The following KIF21A variants were observed in gnomAD, a reference collection of about 807,000 sequenced individuals.
KIF21A encodes kinesin-like protein KIF21A.
Under a neutral mutation model 202.9 loss-of-function variants are expected in KIF21A, and 114 were observed. The ratio of observed to expected loss-of-function variants is 0.56; its 90% CI spans 0.48 to 0.66. The LOEUF (loss-of-function observed/expected upper bound fraction) is 0.66, where lower values mean the gene tolerates loss of function less well. KIF21A is among the 30% of genes least tolerant of loss of function. The pLI is 0.00. For synonymous variants in KIF21A, 667 were observed against 670.8 expected, an observed-to-expected ratio of 0.99 and a Z score of 0.09; for missense variants, 1,677 against 1,994.9, an observed-to-expected ratio of 0.84 and a Z score of 3.04.
intron 1 of KIF21A, among the ~76,000 whole-genome samples, chr12:39,418,310 G>C (rs1191816784): frequency 1.3e-5 from 2 of 152,050 alleles, no homozygotes; most frequent in African/African-American, 2.4e-5. Context: ...TTTGAGACCT[G>C]CCCAGTTAGT....
chr12:39,339,324 AC>A (rs1411458427), intron 16 of KIF21A, among the ~76,000 whole-genome samples: 1 of 152,024 alleles, frequency 6.6e-6, no homozygotes, highest in Non-Finnish European at 1.5e-5. Context: ...GTTTAGATAC[AC>A]AAATATTTAG....
intron 30 of KIF21A, 182 bp downstream of exon 30, chr12:39,315,750 T>C: frequency 1.5e-6 from 1 of 668,736 alleles, no homozygotes. Flanking sequence ...ACCACTACTT[T>C]ATCTAAAAGG....
Position 39,294,063 on chromosome 12 carries a change from T to C in KIF21A, c.*361A>G, listed in dbSNP as rs866950532. On this transcript the variant is annotated 3_prime_UTR_variant, in exon 38 of 38. Coordinates refer to ENST00000361418, the MANE Select transcript of KIF21A (RefSeq NM_001173464.2). ...TGAATAAACTACATGAATGAGTTAA[T>C]GGTGGGCTGCATCGTATTCCAGGTG... is the stretch of plus-strand genomic sequence containing the variant. The C allele has an allele frequency of 2.6e-5, 6 of 229,094 alleles. No individual in the cohort carries two copies. The highest frequency in any genetic ancestry group is 1.6e-3 in the Middle Eastern group (1 of 610). 14.2% of individuals were successfully genotyped at this position (229,094 alleles called of 1,614,324 possible).
chr12:39,297,355 A>T (rs1591997897), intron 37 of KIF21A, among the ~76,000 whole-genome samples: 1 of 152,288 alleles, frequency 6.6e-6, no homozygotes, highest in African/African-American at 2.4e-5. Flanking sequence ...CAACAATGAT[A>T]GACTGGATTA....
intron 1 of KIF21A, among the ~76,000 whole-genome samples, chr12:39,412,474 C>A (rs143519065): frequency 1.8e-4 from 27 of 152,172 alleles, no homozygotes; most frequent in African/African-American, 6.0e-4. Flanking sequence ...CCCAGCACTT[C>A]GGAAGGCTAA....
chr12:39,363,732 G>A (rs965975343), intron 6 of KIF21A, among the ~76,000 whole-genome samples: 5 of 152,140 alleles, frequency 3.3e-5, no homozygotes, highest in African/African-American at 1.2e-4. Context: ...CATACAATAA[G>A]ATGGGCTGGG....
At chr12:39,397,353 T>C (rs540974874) in intron 1 of KIF21A, among the ~76,000 whole-genome samples, 20 of 152,252 alleles carry the variant, frequency 1.3e-4, no homozygotes, top group Non-Finnish European at 2.8e-4. Flanking sequence ...CAAAATATAG[T>C]GAAACACATA....
chr12:39,373,886 G>C (rs17486018), intron 1 of KIF21A, among the ~76,000 whole-genome samples: 17,207 of 152,116 alleles, frequency 0.11, 1,240 homozygotes, highest in Non-Finnish European at 0.17. Flanking sequence ...ATTTGCATGG[G>C]TGAAGAAGAC....
chr12:39,334,582 T>C (rs1946802865), intron 17 of KIF21A, among the ~76,000 whole-genome samples: 1 of 152,202 alleles, frequency 6.6e-6, no homozygotes, highest in Non-Finnish European at 1.5e-5. Flanking sequence ...AAAATTATCA[T>C]ATAGTTTCAA....
At chr12:39,434,656 G>A (rs544691326) in intron 1 of KIF21A, among the ~76,000 whole-genome samples, 1 of 152,148 alleles carries the variant, frequency 6.6e-6, no homozygotes, top group African/African-American at 2.4e-5. Flanking sequence ...TTACTTTAAT[G>A]CCTCCAGCTT....
chr12:39,340,803 A>G lies in KIF21A; in HGVS notation c.2110+103T>C, dbSNP rs1261055707. On this transcript the variant is annotated intron_variant, in intron 15 of 37. Coordinates refer to ENST00000361418, the MANE Select transcript of KIF21A (RefSeq NM_001173464.2). ...AAACAAAACAAATAAATAACAAAAA[A>G]GGGTTTAATACGGCTTCTATTTTTT... The G allele has an allele frequency of 1.1e-5, 9 of 793,442 alleles. No homozygotes were observed. In the East Asian group the frequency reaches 1.9e-4, roughly 17 times the overall value. 49.2% of individuals were successfully genotyped at this position (793,442 alleles called of 1,614,324 possible).
At chr12:39,321,636 G>C (rs1275853612) in intron 27 of KIF21A, 1 of 152,192 alleles carries the variant, frequency 6.6e-6, no homozygotes, top group Non-Finnish European at 1.5e-5. Flanking sequence ...GGAACAAAAG[G>C]TAGCAGATGG....
chr12:39,303,196 T>C (rs1943132864), intron 35 of KIF21A, 61 bp from the exon 36 acceptor site: 1 of 1,416,248 alleles, frequency 7.1e-7, no homozygotes, highest in African/African-American at 1.4e-5. Context: ...CCAATATTTG[T>C]ACAGTCCTAG....
At chr12:39,436,454 T>A (rs866136749) in intron 1 of KIF21A, among the ~76,000 whole-genome samples, 2,749 of 92,058 alleles carry the variant, frequency 0.03, 119 homozygotes, top group South Asian at 0.18. Context: ...ATATATTTTT[T>A]TTTTTTTTAG....
At chr12:39,374,404 G>A (rs984455813) in intron 1 of KIF21A, among the ~76,000 whole-genome samples, 12 of 151,994 alleles carry the variant, frequency 7.9e-5, no homozygotes, top group South Asian at 4.1e-4. Context: ...CAGTCTTAAC[G>A]TTTGGATTAA....
chr12:39,394,480 G>A (rs1951588479), intron 1 of KIF21A, among the ~76,000 whole-genome samples: 1 of 152,156 alleles, frequency 6.6e-6, no homozygotes, highest in Admixed American at 6.5e-5. Context: ...CATAGCACAT[G>A]CTATGTACCA....
intron 8 of KIF21A, 39 bp downstream of exon 8, chr12:39,358,139 G>C: frequency 6.4e-7 from 1 of 1,555,198 alleles, no homozygotes; most frequent in Non-Finnish European, 8.9e-7. Context: ...GCCAGCCTTA[G>C]ATGTATCACA....
At chr12:39,301,450 T>C (rs1397955304) in intron 37 of KIF21A, 30 bp downstream of exon 37, 3 of 1,545,024 alleles carry the variant, frequency 1.9e-6, no homozygotes, top group African/African-American at 1.4e-5. Context: ...AAGCAACCAA[T>C]ATAGAGAAAA....
rs758487867 is a variant in KIF21A at position 39,318,242 on chromosome 12, G to A, written c.3780-41C>T. ...AACATTAAGTAGGTGGCTTTAATTG[G>A]TTATGATTTGTTAGAAAAGTTATAA... On this transcript the variant is annotated intron_variant, in intron 28 of 37. Coordinates refer to ENST00000361418, the MANE Select transcript of KIF21A (RefSeq NM_001173464.2). 7 of 1,590,264 alleles carry A rather than the reference G, an allele frequency of 4.4e-6. No homozygotes were observed. The African/African-American group carries it at 8.1e-5, about 18-fold the overall frequency.
Sources: allele counts gnomAD v4.1 joint callset (sites outside exome capture counted in the v4.1 genomes callset), GRCh38; gene constraint gnomAD v4.1.1; transcripts MANE v1.5; gene names NCBI Gene and HGNC (gene_info 2026-07-23, HGNC 2026-07-21).